The following CNTNAP2 variants were observed in gnomAD, a reference collection of about 807,000 sequenced individuals.
CNTNAP2 encodes contactin-associated protein-like 2.
Under a neutral mutation model 155.2 loss-of-function variants are expected in CNTNAP2, and 98 were observed. That is an observed-to-expected ratio of 0.63 (90% confidence interval 0.54 to 0.75). The LOEUF (loss-of-function observed/expected upper bound fraction) is 0.75. Ranked by LOEUF, CNTNAP2 falls within the 30% of genes least tolerant of loss-of-function variation. The probability of loss-of-function intolerance (pLI) is 0.00; values close to 1 mark genes in which losing one functional copy is unlikely to be tolerated. For synonymous variants in CNTNAP2, 651 were observed against 631.2 expected (o/e 1.03, Z -0.47); for missense variants, 1,727 against 1,688.1 (o/e 1.02, Z -0.40).
intron 2 of CNTNAP2, among the ~76,000 whole-genome samples, chr7:146,829,809 C>A (rs1220417932): frequency 6.6e-6 from 1 of 152,010 alleles, no homozygotes; most frequent in Admixed American, 6.6e-5. Flanking sequence ...GATTGAGTTT[C>A]CACATCATTC....
rs377700633 is a variant in CNTNAP2 at position 146,538,437 on chromosome 7, T to C, written c.98-235834T>C. On this transcript the variant is annotated intron_variant, in intron 1 of 23. Coordinates refer to ENST00000361727, the MANE Select transcript of CNTNAP2 (RefSeq NM_014141.6). ...GAATCCAGGCTGTAGGAGCAGTTTC[T>C]ATCACATAAATGCTCTATTCATGGC... is the stretch of plus-strand genomic sequence containing the variant. 1.2e-3 allele frequency among the ~76,000 whole-genome samples: 180 copies of C among 152,196 alleles called. 5 individuals carry two copies. The South Asian group carries it at 0.019, about 16-fold the overall frequency.
At chr7:147,675,708 C>A (rs2190915) in intron 13 of CNTNAP2, among the ~76,000 whole-genome samples, 2,492 of 152,088 alleles carry the variant, frequency 0.016, 220 homozygotes, top group Admixed American at 0.15. Context: ...CCTTTAGCAC[C>A]ATCAAGTTGA....
At chr7:147,823,793 C>A (rs1798400703) in intron 13 of CNTNAP2, among the ~76,000 whole-genome samples, 1 of 151,756 alleles carries the variant, frequency 6.6e-6, no homozygotes, top group Non-Finnish European at 1.5e-5. Context: ...AAAATACTGG[C>A]ATAGCTGGTA....
chr7:147,327,667 A>G lies in CNTNAP2; in HGVS notation c.1498+27377A>G, dbSNP rs1224855001. Reference sequence around the variant, plus strand: ...ATGTGCATTATTTTTTCTCATGTTGACTTTCCTCATGTTATTTATAAGAAC... The same window carrying G: ...ATGTGCATTATTTTTTCTCATGTTGGCTTTCCTCATGTTATTTATAAGAAC... On this transcript the variant is annotated intron_variant, in intron 9 of 23. Transcript: ENST00000361727. 2.0e-5 allele frequency among the ~76,000 whole-genome samples: 3 copies of G among 152,200 alleles called. No individual in the cohort carries two copies. The East Asian group carries it at 5.8e-4, about 29-fold the overall frequency.
rs140523269 is a variant in CNTNAP2, at chr7:147,019,114, T to C, written c.403-24793T>C. ...TGTTGTTTTAGTAATCCCTACATTT[T>C]CTAAGTAGTACTGAGAGTTTGTTGT... On this transcript the variant is annotated intron_variant, in intron 3 of 23. Coordinates refer to ENST00000361727, the MANE Select transcript of CNTNAP2 (RefSeq NM_014141.6). Among the ~76,000 whole-genome samples, 547 of 152,188 alleles carry C rather than the reference T, an allele frequency of 3.6e-3. 9 individuals are homozygous for C. Among genetic ancestry groups the C allele is most frequent in the African/African-American group, 0.012 (513 of 41,562 alleles).
At chr7:146,439,032 T>A (rs978576780) in intron 1 of CNTNAP2, among the ~76,000 whole-genome samples, 1 of 151,388 alleles carries the variant, frequency 6.6e-6, no homozygotes, top group Non-Finnish European at 1.5e-5. Flanking sequence ...CAGAAAACAG[T>A]GTAGGATTTC....
chr7:147,484,556 G>C (rs1271063359), intron 10 of CNTNAP2, among the ~76,000 whole-genome samples: 4 of 152,206 alleles, frequency 2.6e-5, no homozygotes. Flanking sequence ...ATTTTCCGTA[G>C]TGCTGTGCAT....
intron 8 of CNTNAP2, among the ~76,000 whole-genome samples, chr7:147,225,689 G>A (rs1995059): frequency 0.81 from 122,501 of 151,288 alleles, 50,236 homozygotes; most frequent in African/African-American, 0.95. Flanking sequence ...TTAACATTCC[G>A]GTGTTGGAGA....
chr7:147,958,541 A>G (rs568570097), intron 14 of CNTNAP2, among the ~76,000 whole-genome samples: 2 of 152,224 alleles, frequency 1.3e-5, no homozygotes, highest in South Asian at 4.1e-4. Flanking sequence ...GGATGTTTAT[A>G]TTGATTTTAT....
chr7:147,144,945 G>T (rs571650262), intron 8 of CNTNAP2, among the ~76,000 whole-genome samples: 1 of 152,066 alleles, frequency 6.6e-6, no homozygotes, highest in Non-Finnish European at 1.5e-5. Context: ...AGTAAAAAAC[G>T]TTAAAATTCA....
chr7:146,815,810 G>A (rs1803157602), intron 2 of CNTNAP2, among the ~76,000 whole-genome samples: 1 of 152,042 alleles, frequency 6.6e-6, no homozygotes, highest in Admixed American at 6.6e-5. Context: ...TGCACAACGT[G>A]CAGGTTTGTT....
intron 1 of CNTNAP2, among the ~76,000 whole-genome samples, chr7:146,560,346 T>C (rs1798261333): frequency 6.6e-6 from 1 of 152,074 alleles, no homozygotes; most frequent in Non-Finnish European, 1.5e-5. Flanking sequence ...ATTATGATGG[T>C]GTATATACAT....
chr7:146,554,421 A>AT (rs1187764538), intron 1 of CNTNAP2, among the ~76,000 whole-genome samples: 4 of 152,038 alleles, frequency 2.6e-5, no homozygotes, highest in Non-Finnish European at 5.9e-5. Flanking sequence ...TTTGGTAACT[A>AT]TTTTTTTGCA....
At chr7:147,845,184 T>G (rs1478054435) in intron 13 of CNTNAP2, among the ~76,000 whole-genome samples, 1 of 103,946 alleles carries the variant, frequency 9.6e-6, no homozygotes, top group East Asian at 3.0e-4. Context: ...CAGTTCCTCC[T>G]TGTACCTCTG....
intron 1 of CNTNAP2, among the ~76,000 whole-genome samples, chr7:146,521,627 T>G (rs1797618121): frequency 6.6e-6 from 1 of 152,010 alleles, no homozygotes; most frequent in African/African-American, 2.4e-5. Context: ...ATTTTTGTAT[T>G]TCTATAGAGA....
At chr7:146,882,035 G>C (rs1795562534) in intron 3 of CNTNAP2, among the ~76,000 whole-genome samples, 2 of 151,968 alleles carry the variant, frequency 1.3e-5, no homozygotes, top group Admixed American at 1.3e-4. Flanking sequence ...CCAATGTTTA[G>C]CTCCCACTTA....
chr7:147,065,985 TA>T (rs1799772178), intron 4 of CNTNAP2, among the ~76,000 whole-genome samples: 1 of 151,808 alleles, frequency 6.6e-6, no homozygotes, highest in South Asian at 2.1e-4. Flanking sequence ...CTCTGAAGTA[TA>T]AAAAAGGTGG....
intron 3 of CNTNAP2, among the ~76,000 whole-genome samples, chr7:147,022,238 G>C (rs551748542): frequency 1.3e-3 from 204 of 152,182 alleles, no homozygotes; most frequent in Non-Finnish European, 2.3e-3. Context: ...GTGAGTCATT[G>C]CCTGCCAGGA....
At chr7:146,253,321 T>A (rs144456150) in intron 1 of CNTNAP2, among the ~76,000 whole-genome samples, 1 of 152,220 alleles carries the variant, frequency 6.6e-6, no homozygotes, top group Non-Finnish European at 1.5e-5. Context: ...TTCTAATGAC[T>A]CTTCTAGACG....
Sources: allele counts gnomAD v4.1 joint callset (sites outside exome capture counted in the v4.1 genomes callset), GRCh38; gene constraint gnomAD v4.1.1; transcripts MANE v1.5; gene names NCBI Gene and HGNC (gene_info 2026-07-23, HGNC 2026-07-21).